OPCML: variants seen among roughly 807,000 people sequenced by gnomAD.
OPCML encodes opioid binding protein/cell adhesion molecule like.
A neutral mutation model predicts 37.8 loss-of-function variants in OPCML; 13 were observed. The observed-to-expected ratio is 0.34, with a 90% CI of 0.22 to 0.55. The LOEUF (loss-of-function observed/expected upper bound fraction) is 0.55, where lower values mean the gene tolerates loss of function less well. Ranked by LOEUF, OPCML falls within the 20% of genes least tolerant of loss-of-function variation. The pLI, the probability that OPCML is intolerant of heterozygous loss-of-function variation, is 0.91. For missense variants in OPCML, 341 were observed against 435.6 expected, an observed-to-expected ratio of 0.78 and a Z score of 1.93; for synonymous variants, 176 against 168.8, an observed-to-expected ratio of 1.04 and a Z score of -0.33.
intron 1 of OPCML, among the ~76,000 whole-genome samples, chr11:133,416,715 T>C (rs1345576395): frequency 6.6e-6 from 1 of 152,178 alleles, no homozygotes; most frequent in East Asian, 1.9e-4. Flanking sequence ...ATATCTTTGA[T>C]TTTTTTCCTG....
intron 3 of OPCML, among the ~76,000 whole-genome samples, chr11:132,633,327 C>A (rs11223162): frequency 6.6e-6 from 1 of 151,908 alleles, no homozygotes. Flanking sequence ...CTCAGCCTCC[C>A]GAGTAGCTGG....
intron 1 of OPCML, among the ~76,000 whole-genome samples, chr11:133,517,307 C>T (rs933353366): frequency 3.3e-5 from 5 of 152,206 alleles, no homozygotes; most frequent in East Asian, 1.9e-4. Context: ...AACCTATATA[C>T]ATCATTTATA....
intron 1 of OPCML, among the ~76,000 whole-genome samples, chr11:133,362,834 CTG>C (rs1356782533): frequency 6.6e-6 from 1 of 152,132 alleles, no homozygotes; most frequent in African/African-American, 2.4e-5. Flanking sequence ...TACCTACCTT[CTG>C]CCCCGCTAGA....
intron 2 of OPCML, among the ~76,000 whole-genome samples, chr11:132,782,477 C>CA (rs1158299137): frequency 6.6e-6 from 1 of 152,040 alleles, no homozygotes; most frequent in African/African-American, 2.4e-5. Context: ...TGGCCTTGGC[C>CA]AAAAAAATGC....
intron 4 of OPCML, among the ~76,000 whole-genome samples, chr11:132,482,022 G>A (rs1205100918): frequency 6.7e-6 from 1 of 149,536 alleles, no homozygotes. Context: ...AGAAAAGCAA[G>A]AGCAAACACA....
intron 1 of OPCML, among the ~76,000 whole-genome samples, chr11:132,967,214 T>C (rs1159909896): frequency 1.3e-5 from 2 of 152,128 alleles, no homozygotes; most frequent in Admixed American, 6.5e-5. Context: ...TTACTGTATA[T>C]GTCTTAACTT....
chr11:133,230,892 A>T (rs1273656197), intron 1 of OPCML, among the ~76,000 whole-genome samples: 1 of 152,200 alleles, frequency 6.6e-6, no homozygotes, highest in East Asian at 1.9e-4. Flanking sequence ...GAGTGAAGAA[A>T]AGGGAGAAGA....
rs1316345641 is a variant in OPCML, at chr11:132,419,103, C to T, written c.*1090G>A. 2 of 152,600 alleles carry T rather than the reference C, an allele frequency of 1.3e-5. No homozygotes were observed. The highest frequency in any genetic ancestry group is 6.5e-5 in the Admixed American group (1 of 15,274). The allele number at this position is 152,600 out of a possible 1,614,324, so 9.5% of individuals were successfully genotyped here. ...TTTGTATTTTGTTAACCTGTGAGATCGTTGGCTTTCACAGAAGTTGAAAGA... is the reference window on the plus strand; with the variant it reads ...TTTGTATTTTGTTAACCTGTGAGATTGTTGGCTTTCACAGAAGTTGAAAGA... On this transcript the variant is annotated 3_prime_UTR_variant, in exon 8 of 8. Transcript: ENST00000524381.
At chr11:132,556,185 C>A (rs2096395186) in intron 3 of OPCML, among the ~76,000 whole-genome samples, 1 of 152,160 alleles carries the variant, frequency 6.6e-6, no homozygotes, top group Admixed American at 6.5e-5. Flanking sequence ...TCAAGCAATC[C>A]TCCTGCCTTG....
intron 2 of OPCML, among the ~76,000 whole-genome samples, chr11:132,880,425 C>T (rs1017344379): frequency 9.9e-5 from 15 of 152,072 alleles, no homozygotes; most frequent in South Asian, 8.3e-4. Context: ...TATAATACCA[C>T]AAAGATACTC....
chr11:132,627,270 A>T (rs1251786656), intron 3 of OPCML, among the ~76,000 whole-genome samples: 2 of 152,232 alleles, frequency 1.3e-5, no homozygotes, highest in Non-Finnish European at 2.9e-5. Context: ...CTGTAGGTGA[A>T]ATGTCAAACA....
At chr11:132,733,228 G>C (rs1945141366) in intron 2 of OPCML, among the ~76,000 whole-genome samples, 1 of 152,048 alleles carries the variant, frequency 6.6e-6, no homozygotes, top group African/African-American at 2.4e-5. Context: ...GATAGTTAAA[G>C]TCATGGAAGC....
chr11:133,446,493 T>C (rs1479524595), intron 1 of OPCML, among the ~76,000 whole-genome samples: 6 of 152,198 alleles, frequency 3.9e-5, no homozygotes, highest in African/African-American at 1.4e-4. Context: ...GGTGTAGTCA[T>C]AGCTCGTTGC....
chr11:133,518,655 C>T (rs912539788), intron 1 of OPCML, among the ~76,000 whole-genome samples: 4 of 142,202 alleles, frequency 2.8e-5, no homozygotes, highest in South Asian at 2.2e-4. Flanking sequence ...GGGGCTGTGG[C>T]GTGGGCAGTG....
chr11:132,509,248 A>C (rs1416671135), intron 4 of OPCML, among the ~76,000 whole-genome samples: 3 of 152,214 alleles, frequency 2.0e-5, no homozygotes, highest in Non-Finnish European at 2.9e-5. Context: ...CAAAGCATTC[A>C]AGAGGTGACT....
At chr11:133,274,016 G>T (rs545199730) in intron 1 of OPCML, among the ~76,000 whole-genome samples, 1 of 152,160 alleles carries the variant, frequency 6.6e-6, no homozygotes, top group Admixed American at 6.5e-5. Flanking sequence ...AAACATATTT[G>T]CACACATACA....
chr11:133,001,145 G>T (rs1391098061), intron 1 of OPCML, among the ~76,000 whole-genome samples: 1 of 152,146 alleles, frequency 6.6e-6, no homozygotes, highest in Non-Finnish European at 1.5e-5. Flanking sequence ...CCTTAATAAT[G>T]ATGCAAACTG....
intron 3 of OPCML, among the ~76,000 whole-genome samples, chr11:132,645,489 T>A (rs1464293122): frequency 6.6e-6 from 1 of 152,226 alleles, no homozygotes; most frequent in East Asian, 1.9e-4. Context: ...GAGACTTCTA[T>A]GGTCATGCCA....
intron 3 of OPCML, among the ~76,000 whole-genome samples, chr11:132,615,351 T>C (rs996400999): frequency 2.0e-5 from 3 of 152,196 alleles, no homozygotes; most frequent in African/African-American, 7.2e-5. Flanking sequence ...GAAAACTGCT[T>C]CTTGTCTCTA....
Sources: gnomAD v4.1 joint callset for allele counts (sites outside exome capture counted in the v4.1 genomes callset) on GRCh38, gnomAD v4.1.1 for gene constraint, MANE v1.5 for transcripts, NCBI Gene and HGNC (gene_info 2026-07-23, HGNC 2026-07-21) for gene names.